ROR1: variants seen among roughly 807,000 people sequenced by gnomAD.
ROR1 encodes inactive tyrosine-protein kinase transmembrane receptor ROR1.
ROR1 carries 19 observed loss-of-function variants against 78.8 expected under a neutral mutation model. The ratio of observed to expected loss-of-function variants is 0.24; its 90% CI spans 0.17 to 0.35. The LOEUF is 0.35. ROR1 is among the 10% of genes least tolerant of loss of function. ROR1 has a pLI of 1.00. For missense variants in ROR1, 917 were observed against 1,177.8 expected (o/e 0.78, Z 3.24); for synonymous variants, 386 against 433.6 (o/e 0.89, Z 1.36).
At chr1:64,012,403 C>T (rs1458784016) in intron 2 of ROR1, among the ~76,000 whole-genome samples, 1 of 152,112 alleles carries the variant, frequency 6.6e-6, no homozygotes, top group Non-Finnish European at 1.5e-5. Context: ...AGGTTCTTCT[C>T]AGGTATTGCA....
At chr1:64,142,301 G>A (rs1483803058) in intron 6 of ROR1, 104 bp from the exon 7 acceptor site, 3 of 1,510,386 alleles carry the variant, frequency 2.0e-6, no homozygotes, top group South Asian at 1.3e-5. Flanking sequence ...CTGTGGCCAC[G>A]AGGTTAATTA....
intron 1 of ROR1, among the ~76,000 whole-genome samples, chr1:63,779,221 A>G (rs1219488634): frequency 6.6e-6 from 1 of 152,118 alleles, no homozygotes; most frequent in Non-Finnish European, 1.5e-5. Context: ...AATAAGCTAT[A>G]TTTTGATGAA....
intron 1 of ROR1, among the ~76,000 whole-genome samples, chr1:63,828,733 G>C (rs958358811): frequency 3.3e-5 from 5 of 152,012 alleles, no homozygotes; most frequent in Non-Finnish European, 7.4e-5. Context: ...CTATTCCCCT[G>C]GCACATAGTA....
At position 63,970,632 on chromosome 1, in the gene ROR1, GCTGT is replaced by G. The variant is rs1176711551; in HGVS notation, c.92-38670_92-38667del. ...GTATAAAAGGAATCATACATGGGCTGCTGTCTAAGATTCTGATTAGAAAGGAGAA... is the reference window on the plus strand; with the variant it reads ...GTATAAAAGGAATCATACATGGGCTGCTAAGATTCTGATTAGAAAGGAGAA... On this transcript the variant is annotated intron_variant, in intron 1 of 8. Coordinates refer to ENST00000371079, the MANE Select transcript of ROR1 (RefSeq NM_005012.4). Among the ~76,000 whole-genome samples the G allele has an allele frequency of 6.6e-5, 10 of 152,182 alleles. No homozygotes were observed. In the East Asian group the frequency reaches 9.6e-4, roughly 15 times the overall value.
intron 8 of ROR1, among the ~76,000 whole-genome samples, chr1:64,176,820 C>T (rs973842995): frequency 6.6e-6 from 1 of 152,142 alleles, no homozygotes; most frequent in Non-Finnish European, 1.5e-5. Flanking sequence ...TCTTTTAGCA[C>T]AATAAATATT....
chr1:63,809,431 C>G (rs1266485374), intron 1 of ROR1, among the ~76,000 whole-genome samples: 1 of 152,166 alleles, frequency 6.6e-6, no homozygotes, highest in Non-Finnish European at 1.5e-5. Context: ...TAAAGAGATT[C>G]TAAAACAGTG....
At chr1:64,142,868 G>A in intron 7 of ROR1, 1 of 1,387,836 alleles carries the variant, frequency 7.2e-7, no homozygotes, top group Non-Finnish European at 9.3e-7. Flanking sequence ...TATACCTGCA[G>A]CCATTGCACT....
chr1:64,046,349 C>A lies in ROR1; in HGVS notation c.164-3342C>A, dbSNP rs79240936. On this transcript the variant is annotated intron_variant, in intron 2 of 8. Transcript: ENST00000371079. Reference sequence around the variant, plus strand: ...ATGGCCAACAAATTTGAAACTTCTTCTTCGTCAGTGAAAAGTTAAAACCAA... The same window carrying A: ...ATGGCCAACAAATTTGAAACTTCTTATTCGTCAGTGAAAAGTTAAAACCAA... Among the ~76,000 whole-genome samples, 586 of 152,290 alleles carry A rather than the reference C, an allele frequency of 3.8e-3. 7 individuals carry two copies. Among genetic ancestry groups the A allele is most frequent in the African/African-American group, 0.013 (557 of 41,558 alleles).
chr1:63,986,721 C>A (rs1359681357), intron 1 of ROR1, among the ~76,000 whole-genome samples: 1 of 151,940 alleles, frequency 6.6e-6, no homozygotes, highest in East Asian at 1.9e-4. Context: ...GGTGGAGACT[C>A]TCTCTACACA....
Position 63,979,962 on chromosome 1 carries a change from A to G in ROR1, c.92-29343A>G, listed in dbSNP as rs191235197. ...GGGAACAAAAGCATACACATCAAAC[A>G]CTGTGGAATAGCTGCATGTGGTATA... On this transcript the variant is annotated intron_variant, in intron 1 of 8. Transcript: ENST00000371079. Among the ~76,000 whole-genome samples, 55 of 152,236 alleles carry G rather than the reference A, an allele frequency of 3.6e-4. 1 individual carries two copies. The highest frequency in any genetic ancestry group is 1.3e-3 in the African/African-American group (54 of 41,538).
At position 63,916,947 on chromosome 1, in the gene ROR1, G is replaced by A. The variant is rs928843282; in HGVS notation, c.92-92358G>A. On this transcript the variant is annotated intron_variant, in intron 1 of 8. Transcript: ENST00000371079. Reference sequence around the variant, plus strand: ...CAGGCCTACTTTCAGTTCCTAGACTGTTACTGTGCAGGGTCCAGCCTCAGG... The same window carrying A: ...CAGGCCTACTTTCAGTTCCTAGACTATTACTGTGCAGGGTCCAGCCTCAGG... Among the ~76,000 whole-genome samples, 3 of 152,320 alleles carry A rather than the reference G, an allele frequency of 2.0e-5. No individual in the cohort carries two copies. In the South Asian group the frequency reaches 6.2e-4, roughly 32 times the overall value.
At chr1:64,000,352 C>A (rs1464568616) in intron 1 of ROR1, among the ~76,000 whole-genome samples, 4 of 152,186 alleles carry the variant, frequency 2.6e-5, no homozygotes, top group Non-Finnish European at 5.9e-5. Context: ...CCCTTTTATA[C>A]TCTGTCTTTG....
intron 4 of ROR1, among the ~76,000 whole-genome samples, chr1:64,130,773 A>G (rs976961728): frequency 2.3e-4 from 35 of 152,206 alleles, no homozygotes; most frequent in African/African-American, 7.7e-4. Context: ...ATAATTCTGC[A>G]TCTTTTACTT....
intron 1 of ROR1, among the ~76,000 whole-genome samples, chr1:63,947,469 C>T (rs1462541109): frequency 6.6e-6 from 1 of 152,162 alleles, no homozygotes; most frequent in African/African-American, 2.4e-5. Flanking sequence ...AAAGCATTCC[C>T]ATCCAAACAG....
chr1:63,945,169 A>C (rs185623783), intron 1 of ROR1, among the ~76,000 whole-genome samples: 252 of 152,308 alleles, frequency 1.7e-3, no homozygotes, highest in Non-Finnish European at 2.6e-3. Flanking sequence ...GGTCCTCTGT[A>C]GTTTTCAAAC....
intron 1 of ROR1, among the ~76,000 whole-genome samples, chr1:63,969,617 A>G (rs1171338445): frequency 6.6e-6 from 1 of 151,472 alleles, no homozygotes; most frequent in Non-Finnish European, 1.5e-5. Context: ...GAATGGCCCC[A>G]TTGTCCATCC....
intron 1 of ROR1, among the ~76,000 whole-genome samples, chr1:63,790,882 A>G (rs1340810074): frequency 6.6e-6 from 1 of 152,206 alleles, no homozygotes; most frequent in African/African-American, 2.4e-5. Context: ...CCTGCAAGCC[A>G]TCTGGATGCA....
intron 1 of ROR1, among the ~76,000 whole-genome samples, chr1:63,779,008 T>C (rs1477167626): frequency 6.6e-6 from 1 of 152,234 alleles, no homozygotes; most frequent in Non-Finnish European, 1.5e-5. Context: ...CTAGAGGTTA[T>C]AAGAAATTAT....
intron 7 of ROR1, among the ~76,000 whole-genome samples, chr1:64,156,010 A>G (rs886557510): frequency 3.9e-5 from 6 of 152,208 alleles, no homozygotes; most frequent in Admixed American, 1.3e-4. Context: ...TACCAATCGT[A>G]TTTATTCCAT....
Sources: gnomAD v4.1 joint callset for allele counts (sites outside exome capture counted in the v4.1 genomes callset) on GRCh38, gnomAD v4.1.1 for gene constraint, MANE v1.5 for transcripts, NCBI Gene and HGNC (gene_info 2026-07-23, HGNC 2026-07-21) for gene names.